The following PTPRC variants were observed in gnomAD, a reference collection of about 807,000 sequenced individuals.
PTPRC encodes the protein protein tyrosine phosphatase receptor type C.
Under a neutral mutation model 155.9 loss-of-function variants are expected in PTPRC, and 44 were observed. That is an observed-to-expected ratio of 0.28 (90% CI 0.22 to 0.36). PTPRC has a LOEUF of 0.36. PTPRC is among the 10% of genes least tolerant of loss of function. The pLI is 1.00. For synonymous variants in PTPRC, 525 were observed against 533.1 expected (o/e 0.98, Z 0.21); for missense variants, 1,401 against 1,564.6 (o/e 0.90, Z 1.76).
At chr1:198,723,355 T>C (rs1653984577) in intron 15 of PTPRC, among the ~76,000 whole-genome samples, 1 of 152,116 alleles carries the variant, frequency 6.6e-6, no homozygotes, top group South Asian at 2.1e-4. Context: ...CATATGCACA[T>C]ATGCATGTGC....
intron 3 of PTPRC, among the ~76,000 whole-genome samples, chr1:198,695,383 T>A (rs1266797956): frequency 6.7e-6 from 1 of 148,262 alleles, no homozygotes; most frequent in Non-Finnish European, 1.5e-5. Context: ...ATATTTAAAT[T>A]TTTTTTTTTG....
intron 14 of PTPRC, among the ~76,000 whole-genome samples, chr1:198,719,704 G>A (rs370893797): frequency 2.6e-4 from 40 of 151,454 alleles, no homozygotes; most frequent in East Asian, 3.9e-4. Flanking sequence ...TCCGCCTCCC[G>A]GGTTCAAATG....
intron 4 of PTPRC, among the ~76,000 whole-genome samples, chr1:198,697,429 G>C (rs1666257664): frequency 6.6e-6 from 1 of 152,156 alleles, no homozygotes. Flanking sequence ...AAGAGCATTT[G>C]CATCATTGAA....
At chr1:198,748,238 G>A in intron 27 of PTPRC, 39 bp downstream of exon 27, 1 of 1,568,408 alleles carries the variant, frequency 6.4e-7, no homozygotes, top group Non-Finnish European at 8.6e-7. Context: ...ATCAGATAAA[G>A]TTAAGCTCTT....
chr1:198,651,479 A>AGT (rs1344694366), intron 2 of PTPRC, among the ~76,000 whole-genome samples: 1 of 151,756 alleles, frequency 6.6e-6, no homozygotes, highest in Admixed American at 6.6e-5. Flanking sequence ...TCCTTTTGTC[A>AGT]GTGTGTGTAT....
chr1:198,699,741 G>C lies in PTPRC; in HGVS notation c.439+37G>C, dbSNP rs1666378343. 3 of 1,612,632 alleles carry C rather than the reference G, an allele frequency of 1.9e-6. No individual in the cohort carries two copies. In the Admixed American group the frequency reaches 5.0e-5, roughly 27 times the overall value. ...CTTTAGACTTGTGCAAATATGAAAAGTACATGACGACTACCTGTATTTAAG... is the reference window on the plus strand; with the variant it reads ...CTTTAGACTTGTGCAAATATGAAAACTACATGACGACTACCTGTATTTAAG... On this transcript the variant is annotated intron_variant, in intron 5 of 32. Coordinates refer to ENST00000442510, the MANE Select transcript of PTPRC (RefSeq NM_002838.5).
rs568306927 is a variant in PTPRC, at chr1:198,756,885, G to A, written c.*704G>A. 47 of 151,488 alleles carry A rather than the reference G, an allele frequency of 3.1e-4. No homozygotes were observed. Among genetic ancestry groups the A allele is most frequent in the African/African-American group, 1.1e-3 (45 of 41,356 alleles). The allele number at this position is 151,488 out of a possible 1,614,324, so 9.4% of individuals were successfully genotyped here. ...AGCTTATCATGCTGTCTTTACATGG[G>A]GTTTTCAATTTTGCATGCTCGATTA... On this transcript the variant is annotated 3_prime_UTR_variant, in exon 33 of 33. Coordinates refer to ENST00000442510, the MANE Select transcript of PTPRC (RefSeq NM_002838.5).
At chr1:198,734,661 T>C (rs1403214698) in intron 22 of PTPRC, among the ~76,000 whole-genome samples, 1 of 151,810 alleles carries the variant, frequency 6.6e-6, no homozygotes, top group Non-Finnish European at 1.5e-5. Context: ...TGCTAGACTC[T>C]TAACTTGATT....
intron 14 of PTPRC, among the ~76,000 whole-genome samples, chr1:198,720,392 G>A (rs892231537): frequency 2.0e-5 from 3 of 152,034 alleles, no homozygotes; most frequent in Admixed American, 6.6e-5. Context: ...GTGAAGTGGC[G>A]TGATCTCGGC....
At chr1:198,667,383 A>G (rs1664383522) in intron 2 of PTPRC, among the ~76,000 whole-genome samples, 1 of 152,220 alleles carries the variant, frequency 6.6e-6, no homozygotes, top group African/African-American at 2.4e-5. Context: ...GCCATAGCTC[A>G]TAGTCATTTT....
chr1:198,669,123 T>C (rs1229853809), intron 2 of PTPRC, among the ~76,000 whole-genome samples: 1 of 152,196 alleles, frequency 6.6e-6, no homozygotes, highest in Non-Finnish European at 1.5e-5. Flanking sequence ...TACCCAAAAC[T>C]AGCAGATTGG....
chr1:198,712,702 AG>A (rs1653373725), intron 11 of PTPRC: 13 of 483,136 alleles, frequency 2.7e-5, no homozygotes, highest in South Asian at 2.4e-4. Context: ...TGAAAGGAAG[AG>A]GGGGTTCTTA....
At chr1:198,656,036 C>A (rs1663545749) in intron 2 of PTPRC, among the ~76,000 whole-genome samples, 1 of 152,036 alleles carries the variant, frequency 6.6e-6, no homozygotes, top group Non-Finnish European at 1.5e-5. Context: ...GGAGATATCA[C>A]ATAATTTTTA....
chr1:198,648,161 T>C (rs577172137), intron 2 of PTPRC, among the ~76,000 whole-genome samples: 142 of 151,996 alleles, frequency 9.3e-4, no homozygotes, highest in Admixed American at 1.8e-3. Flanking sequence ...TATTATTAGA[T>C]ATTCAATAAA....
At chr1:198,644,125 A>AT (rs552861853) in intron 2 of PTPRC, among the ~76,000 whole-genome samples, 7 of 151,200 alleles carry the variant, frequency 4.6e-5, no homozygotes, top group Non-Finnish European at 7.4e-5. Context: ...CTGACCTTTG[A>AT]TTTTTTTTTC....
chr1:198,677,476 T>C (rs966107310), intron 2 of PTPRC, among the ~76,000 whole-genome samples: 1 of 152,048 alleles, frequency 6.6e-6, no homozygotes, highest in Non-Finnish European at 1.5e-5. Flanking sequence ...TTTTTTTTTT[T>C]CTAAAAGACT....
intron 29 of PTPRC, 63 bp from the exon 30 acceptor site, chr1:198,752,186 G>A (rs1655413800): frequency 5.2e-6 from 8 of 1,527,920 alleles, no homozygotes; most frequent in Non-Finnish European, 7.3e-6. Flanking sequence ...GAGAAAGAGG[G>A]AGACTGATCC....
At chr1:198,699,404 C>T (rs1456110031) in intron 4 of PTPRC, among the ~76,000 whole-genome samples, 160 bp from the exon 5 acceptor site, 2 of 152,218 alleles carry the variant, frequency 1.3e-5, no homozygotes, top group African/African-American at 4.8e-5. Flanking sequence ...TGTCACTTTC[C>T]AGCCAAGCAA....
At chr1:198,752,470 A>T in intron 30 of PTPRC, 99 bp downstream of exon 30, 1 of 1,532,136 alleles carries the variant, frequency 6.5e-7, no homozygotes, top group Non-Finnish European at 9.0e-7. Flanking sequence ...TCATATAAAT[A>T]ATGTTTCAGA....
Sources: gnomAD v4.1 joint callset for allele counts (sites outside exome capture counted in the v4.1 genomes callset) on GRCh38, gnomAD v4.1.1 for gene constraint, MANE v1.5 for transcripts, NCBI Gene and HGNC (gene_info 2026-07-23, HGNC 2026-07-21) for gene names.